LRRC4C: variants seen among roughly 807,000 people sequenced by gnomAD.
LRRC4C encodes the protein leucine-rich repeat-containing protein 4C.
A neutral mutation model predicts 33.6 loss-of-function variants in LRRC4C; 5 were observed. That is an observed-to-expected ratio of 0.15 (90% CI 0.08 to 0.31). LRRC4C has a LOEUF of 0.31. Ranked by LOEUF, LRRC4C falls within the 10% of genes least tolerant of loss-of-function variation. The pLI, the probability that LRRC4C is intolerant of heterozygous loss-of-function variation, is 1.00. For missense variants in LRRC4C, 560 were observed against 796.7 expected (o/e 0.70, Z 3.58); for synonymous variants, 329 against 302.0 (o/e 1.09, Z -0.93).
In LRRC4C at chr11:40,961,792, G is replaced by C. The variant is rs374955842; in HGVS notation, c.-495-28069C>G. On this transcript the variant is annotated intron_variant, in intron 1 of 6. Transcript: ENST00000528697. ...AAATCTATAAGAACTTCCTCTAAACGCTTGTCTATTTTATTCATTTAATTT... is the reference window on the plus strand; with the variant it reads ...AAATCTATAAGAACTTCCTCTAAACCCTTGTCTATTTTATTCATTTAATTT... Among the ~76,000 whole-genome samples, 4 of 151,442 alleles carry C rather than the reference G, an allele frequency of 2.6e-5. No individual in the cohort carries two copies. In the East Asian group the frequency reaches 5.8e-4, roughly 22 times the overall value.
chr11:40,555,117 T>C (rs1957284110), intron 3 of LRRC4C, among the ~76,000 whole-genome samples: 1 of 152,216 alleles, frequency 6.6e-6, no homozygotes, highest in African/African-American at 2.4e-5. Flanking sequence ...CTGAAACTAC[T>C]GAAGTTGTTT....
intron 1 of LRRC4C, among the ~76,000 whole-genome samples, chr11:40,967,240 G>T (rs1007203514): frequency 4.6e-5 from 7 of 151,822 alleles, no homozygotes; most frequent in Non-Finnish European, 7.4e-5. Context: ...GAAAGTCAGG[G>T]AAAGAGAAGA....
chr11:40,375,380 G>A (rs1009211209), intron 3 of LRRC4C, among the ~76,000 whole-genome samples: 1 of 152,140 alleles, frequency 6.6e-6, no homozygotes, highest in African/African-American at 2.4e-5. Flanking sequence ...AGCTGGAGAG[G>A]AATGATGACA....
intron 1 of LRRC4C, chr11:41,122,935 T>A (rs1180435015): frequency 6.6e-6 from 1 of 152,180 alleles, no homozygotes; most frequent in Non-Finnish European, 1.5e-5. Flanking sequence ...AAAAAATTTG[T>A]GTGTCATCCT....
chr11:40,387,797 T>C (rs1949169772), intron 3 of LRRC4C, among the ~76,000 whole-genome samples: 1 of 152,186 alleles, frequency 6.6e-6, no homozygotes. Flanking sequence ...TAAGGTAATA[T>C]TTGCATTTGT....
At chr11:40,577,753 G>T (rs778223059) in intron 3 of LRRC4C, among the ~76,000 whole-genome samples, 10 of 151,682 alleles carry the variant, frequency 6.6e-5, no homozygotes, top group African/African-American at 2.4e-4. Flanking sequence ...TGCCCGTAAC[G>T]CTGCTATTGA....
At chr11:41,425,271 G>A (rs1042101031) in intron 1 of LRRC4C, among the ~76,000 whole-genome samples, 3 of 152,080 alleles carry the variant, frequency 2.0e-5, no homozygotes, top group African/African-American at 7.2e-5. Context: ...ACCTGAGAAA[G>A]CAGGAGTTCC....
At position 40,613,382 on chromosome 11, in the gene LRRC4C, C is replaced by A. The variant is rs117772443; in HGVS notation, c.-270+34760G>T. Among the ~76,000 whole-genome samples, 3 of 151,922 alleles carry A rather than the reference C, an allele frequency of 2.0e-5. No individual in the cohort carries two copies. In the East Asian group the frequency reaches 5.8e-4, roughly 29 times the overall value. On this transcript the variant is annotated intron_variant, in intron 3 of 6. Transcript: ENST00000528697. ...GAATATATTCTATCTCAAGAAACCA[C>A]TTTCTTTGCTTATCCATAAAATGTA...
chr11:41,261,039 C>T (rs1369069424), intron 1 of LRRC4C, among the ~76,000 whole-genome samples: 1 of 152,026 alleles, frequency 6.6e-6, no homozygotes, highest in Non-Finnish European at 1.5e-5. Flanking sequence ...GGAGGATCTG[C>T]TGTTTTGAAA....
chr11:40,739,090 C>G (rs1476548823), intron 2 of LRRC4C, among the ~76,000 whole-genome samples: 12 of 150,732 alleles, frequency 8.0e-5, no homozygotes. Context: ...TAGCAAATTT[C>G]AACTACACAA....
At chr11:40,155,859 G>T (rs934453795) in intron 5 of LRRC4C, among the ~76,000 whole-genome samples, 1 of 152,080 alleles carries the variant, frequency 6.6e-6, no homozygotes, top group Non-Finnish European at 1.5e-5. Context: ...TATGAAGCCA[G>T]CATCACCCTA....
chr11:40,289,157 G>A (rs1944031535), intron 4 of LRRC4C, among the ~76,000 whole-genome samples: 2 of 152,142 alleles, frequency 1.3e-5, no homozygotes, highest in African/African-American at 4.8e-5. Flanking sequence ...AAGGTCAGTT[G>A]CACACTCCCT....
intron 3 of LRRC4C, among the ~76,000 whole-genome samples, chr11:40,381,839 A>T (rs1948878740): frequency 6.6e-6 from 1 of 151,792 alleles, no homozygotes; most frequent in Non-Finnish European, 1.5e-5. Context: ...ATACATTCTT[A>T]TGAATTATTC....
intron 4 of LRRC4C, among the ~76,000 whole-genome samples, chr11:40,278,972 G>A (rs1943295709): frequency 1.3e-5 from 2 of 152,012 alleles, no homozygotes; most frequent in Non-Finnish European, 2.9e-5. Context: ...GGGAGTGCTG[G>A]GACAAAACTG....
intron 3 of LRRC4C, among the ~76,000 whole-genome samples, chr11:40,574,902 C>T (rs2135587427): frequency 6.6e-6 from 1 of 152,288 alleles, no homozygotes; most frequent in Admixed American, 6.5e-5. Flanking sequence ...CCTACACACT[C>T]TAGAAGGTTG....
At chr11:41,037,616 TTGCTCA>T (rs1857173475) in intron 1 of LRRC4C, among the ~76,000 whole-genome samples, 1 of 132,738 alleles carries the variant, frequency 7.5e-6, no homozygotes, top group Non-Finnish European at 1.7e-5. Flanking sequence ...ACTAAGACAT[TTGCTCA>T]TACTATCTCA....
intron 1 of LRRC4C, among the ~76,000 whole-genome samples, chr11:40,964,679 G>A (rs1245911670): frequency 6.6e-6 from 1 of 151,826 alleles, no homozygotes. Context: ...TTTCATCCAT[G>A]TCCCTACAAA....
intron 3 of LRRC4C, among the ~76,000 whole-genome samples, chr11:40,634,515 C>T (rs916511038): frequency 6.6e-6 from 1 of 152,136 alleles, no homozygotes. Flanking sequence ...TAAAATGCTA[C>T]TTTTTGGTAA....
intron 2 of LRRC4C, among the ~76,000 whole-genome samples, chr11:40,672,685 C>G (rs1409705994): frequency 6.6e-6 from 1 of 152,160 alleles, no homozygotes; most frequent in Admixed American, 6.5e-5. Context: ...AGTAATCTCT[C>G]ATCTTATTCT....
Sources: allele counts gnomAD v4.1 joint callset (sites outside exome capture counted in the v4.1 genomes callset), GRCh38; gene constraint gnomAD v4.1.1; transcripts MANE v1.5; gene names NCBI Gene and HGNC (gene_info 2026-07-23, HGNC 2026-07-21).